The following THSD7B variants were observed in gnomAD, a reference collection of about 807,000 sequenced individuals.
THSD7B encodes thrombospondin type-1 domain-containing protein 7B.
Under a neutral mutation model 213.6 loss-of-function variants are expected in THSD7B, and 138 were observed. The observed-to-expected ratio is 0.65, with a 90% CI of 0.56 to 0.74. THSD7B has a LOEUF of 0.74. Among genes scored for constraint, THSD7B ranks in the 30% least tolerant of loss-of-function variants. THSD7B has a pLI of 0.00. For missense variants in THSD7B, 1,931 were observed against 1,991.5 expected, an observed-to-expected ratio of 0.97 and a Z score of 0.58; for synonymous variants, 742 against 687.0, an observed-to-expected ratio of 1.08 and a Z score of -1.25.
intron 2 of THSD7B, among the ~76,000 whole-genome samples, chr2:137,055,145 T>C (rs1379512794): frequency 6.6e-6 from 1 of 152,234 alleles, no homozygotes; most frequent in Non-Finnish European, 1.5e-5. Context: ...TATTCCATGG[T>C]GTACGTGTGC....
chr2:137,652,730 T>C (rs1683163674), intron 21 of THSD7B, among the ~76,000 whole-genome samples: 1 of 152,154 alleles, frequency 6.6e-6, no homozygotes, highest in African/African-American at 2.4e-5. Context: ...GTTTTTGCAT[T>C]ATGGTTACCA....
chr2:137,374,190 G>T (rs926708193), intron 12 of THSD7B, among the ~76,000 whole-genome samples: 5 of 151,998 alleles, frequency 3.3e-5, no homozygotes, highest in South Asian at 2.1e-4. Context: ...TGGGAATCTG[G>T]CTGCTTTGTA....
intron 15 of THSD7B, among the ~76,000 whole-genome samples, chr2:137,488,917 G>A (rs936903214): frequency 2.0e-5 from 3 of 152,140 alleles, no homozygotes; most frequent in Non-Finnish European, 4.4e-5. Context: ...AAGTCTCCAG[G>A]ATCCCCACTG....
Position 137,405,642 on chromosome 2 carries a change from T to A in THSD7B, c.2530T>A (p.Ser844Thr), listed in dbSNP as rs559472679. 4 of 1,610,158 alleles carry A rather than the reference T, an allele frequency of 2.5e-6. No individual in the cohort carries two copies. In the South Asian group the frequency reaches 4.4e-5, roughly 18 times the overall value. ...AVSCISDDNRSAEMMECLKQT... is the reference protein window; with the variant it reads ...AVSCISDDNRTAEMMECLKQT... ...CTCATGCATCTCTGATGACAACCGG[T>A]CAGCAGAAATGATGGAATGCCTCAA... The change falls in exon 13 of 28, where the codon TCA becomes ACA. Residue 844 changes from serine (S) to threonine (T), a missense_variant. Coordinates refer to ENST00000409968, the MANE Select transcript of THSD7B (RefSeq NM_001316349.2).
At chr2:137,436,304 T>C (rs960875445) in intron 14 of THSD7B, among the ~76,000 whole-genome samples, 6 of 152,222 alleles carry the variant, frequency 3.9e-5, no homozygotes, top group African/African-American at 1.4e-4. Flanking sequence ...TTAACTAATT[T>C]ATTCTTATAT....
intron 1 of THSD7B, among the ~76,000 whole-genome samples, chr2:136,838,054 G>A (rs1313244367): frequency 6.6e-6 from 1 of 152,102 alleles, no homozygotes; most frequent in East Asian, 1.9e-4. Context: ...TTTTTATAAA[G>A]CATAAGTAAA....
At chr2:137,630,075 C>A (rs936995900) in intron 20 of THSD7B, among the ~76,000 whole-genome samples, 1 of 152,002 alleles carries the variant, frequency 6.6e-6, no homozygotes, top group Non-Finnish European at 1.5e-5. Context: ...CTCACTGCAC[C>A]CTCTGCCTCC....
At chr2:136,965,501 T>C (rs992084912) in intron 2 of THSD7B, among the ~76,000 whole-genome samples, 1 of 152,210 alleles carries the variant, frequency 6.6e-6, no homozygotes, top group African/African-American at 2.4e-5. Context: ...TTCTGGGTAG[T>C]GGGGACAAGT....
At chr2:137,070,320 G>A (rs1290171335) in intron 3 of THSD7B, among the ~76,000 whole-genome samples, 2 of 151,578 alleles carry the variant, frequency 1.3e-5, no homozygotes, top group Non-Finnish European at 2.9e-5. Context: ...TTCATTGTGT[G>A]TGTGCAGCCA....
intron 12 of THSD7B, among the ~76,000 whole-genome samples, chr2:137,293,928 A>G (rs1432974602): frequency 6.6e-6 from 1 of 152,158 alleles, no homozygotes; most frequent in Non-Finnish European, 1.5e-5. Context: ...CATGAAATAT[A>G]CGGCTATTTA....
intron 2 of THSD7B, among the ~76,000 whole-genome samples, chr2:136,955,153 C>A (rs913800933): frequency 6.6e-6 from 1 of 152,036 alleles, no homozygotes; most frequent in Admixed American, 6.6e-5. Context: ...AGTCACAGTT[C>A]GGGGAACTCT....
intron 10 of THSD7B, among the ~76,000 whole-genome samples, chr2:137,257,802 G>A (rs1453786178): frequency 6.6e-6 from 1 of 152,170 alleles, no homozygotes; most frequent in Non-Finnish European, 1.5e-5. Context: ...AGGATTGGAG[G>A]AAATAGGACC....
intron 20 of THSD7B, 103 bp downstream of exon 20, chr2:137,620,829 G>A: frequency 1.0e-6 from 1 of 957,194 alleles, no homozygotes; most frequent in Non-Finnish European, 1.6e-6. Context: ...CCCAGCTGAA[G>A]TCAATATGAA....
intron 5 of THSD7B, among the ~76,000 whole-genome samples, chr2:137,148,998 G>C (rs1679761683): frequency 6.6e-6 from 1 of 152,164 alleles, no homozygotes; most frequent in Non-Finnish European, 1.5e-5. Flanking sequence ...TCCCATCACA[G>C]GCCTGGAGGT....
chr2:137,006,453 G>A (rs1686114526), intron 2 of THSD7B, among the ~76,000 whole-genome samples: 1 of 150,874 alleles, frequency 6.6e-6, no homozygotes, highest in South Asian at 2.1e-4. Flanking sequence ...CATATAGGTT[G>A]TATATGAAAA....
At chr2:137,089,604 A>G (rs1040074469) in intron 3 of THSD7B, among the ~76,000 whole-genome samples, 1 of 152,120 alleles carries the variant, frequency 6.6e-6, no homozygotes, top group African/African-American at 2.4e-5. Context: ...GTGGGAGCTA[A>G]GTTATGAGGA....
At chr2:137,095,939 C>T (rs971927136) in intron 4 of THSD7B, among the ~76,000 whole-genome samples, 2 of 152,096 alleles carry the variant, frequency 1.3e-5, no homozygotes, top group African/African-American at 4.8e-5. Context: ...TGGGCTTAAG[C>T]GATACTCCCA....
At chr2:137,077,816 G>T (rs925128544) in intron 3 of THSD7B, among the ~76,000 whole-genome samples, 2 of 151,338 alleles carry the variant, frequency 1.3e-5, no homozygotes, top group African/African-American at 4.9e-5. Context: ...CTGTGCAGAA[G>T]CTCTTCTGTT....
At chr2:137,390,938 A>T (rs1686010037) in intron 12 of THSD7B, among the ~76,000 whole-genome samples, 2 of 151,868 alleles carry the variant, frequency 1.3e-5, no homozygotes, top group African/African-American at 4.8e-5. Flanking sequence ...TTGCATTTTG[A>T]TGAGGATTTT....
Sources: allele counts gnomAD v4.1 joint callset (sites outside exome capture counted in the v4.1 genomes callset), GRCh38; gene constraint gnomAD v4.1.1; transcripts MANE v1.5; gene names NCBI Gene and HGNC (gene_info 2026-07-23, HGNC 2026-07-21).